WDR93: variants seen among roughly 807,000 people sequenced by gnomAD.
WDR93 encodes WD repeat domain 93.
A neutral mutation model predicts 82.9 loss-of-function variants in WDR93; 73 were observed. That is an observed-to-expected ratio of 0.88 (90% CI 0.73 to 1.07). The LOEUF (loss-of-function observed/expected upper bound fraction) is 1.07. Ranked by LOEUF, WDR93 falls within the 50% of genes least tolerant of loss-of-function variation. The pLI is 0.00. For synonymous variants in WDR93, 283 were observed against 300.1 expected (o/e 0.94, Z 0.59); for missense variants, 738 against 826.0 (o/e 0.89, Z 1.31).
intron 6 of WDR93, 83 bp downstream of exon 6, chr15:89,715,178 T>A: frequency 8.5e-7 from 1 of 1,177,344 alleles, no homozygotes; most frequent in Middle Eastern, 2.0e-4. Flanking sequence ...AAACTTATGG[T>A]GAATGAGGCC....
chr15:89,710,643 T>C (rs1361373662), intron 4 of WDR93, among the ~76,000 whole-genome samples: 1 of 152,212 alleles, frequency 6.6e-6, no homozygotes, highest in Non-Finnish European at 1.5e-5. Flanking sequence ...CAACTCATTT[T>C]ATGAGACCAG....
At chr15:89,721,568 A>G (rs1191099991) in intron 7 of WDR93, among the ~76,000 whole-genome samples, 2 of 152,180 alleles carry the variant, frequency 1.3e-5, no homozygotes, top group Non-Finnish European at 2.9e-5. Context: ...ACACACACGC[A>G]CACACAAAGT....
Position 89,699,246 on chromosome 15 carries a change from G to A in WDR93, c.-40-2461G>A, listed in dbSNP as rs116522178. ...TTTCAATTTTTGTATGTCTAAAAAG[G>A]CTTTATTTCACTTTAATTTTCTGAA... On this transcript the variant is annotated intron_variant, in intron 1 of 16. Coordinates refer to ENST00000268130, the MANE Select transcript of WDR93 (RefSeq NM_020212.2). Among the ~76,000 whole-genome samples, 466 of 152,080 alleles carry A rather than the reference G, an allele frequency of 3.1e-3. 2 individuals are homozygous for A. The highest frequency in any genetic ancestry group is 0.011 in the African/African-American group (449 of 41,496).
intron 2 of WDR93, 49 bp downstream of exon 2, chr15:89,702,098 T>C (rs771892495): frequency 3.3e-6 from 5 of 1,537,462 alleles, no homozygotes; most frequent in Non-Finnish European, 4.4e-6. Context: ...AGTTGAGTGT[T>C]AATAAATGAA....
chr15:89,700,476 A>C (rs1965400836), intron 1 of WDR93, among the ~76,000 whole-genome samples: 1 of 152,154 alleles, frequency 6.6e-6, no homozygotes, highest in Non-Finnish European at 1.5e-5. Flanking sequence ...AGCACCTTAA[A>C]ATTTATCTCA....
intron 16 of WDR93, among the ~76,000 whole-genome samples, chr15:89,739,703 A>C (rs973545364): frequency 3.0e-4 from 45 of 152,182 alleles, no homozygotes; most frequent in Non-Finnish European, 4.6e-4. Context: ...CTACAGAACT[A>C]GGTGGCTCTG....
At chr15:89,734,312 T>C (rs1355123993) in intron 13 of WDR93, among the ~76,000 whole-genome samples, 1 of 152,198 alleles carries the variant, frequency 6.6e-6, no homozygotes, top group African/African-American at 2.4e-5. Context: ...CTCTCAAATG[T>C]GCCTTCAGGC....
Position 89,735,545 on chromosome 15 carries a change from C to T in WDR93, c.1600C>T (p.Pro534Ser), listed in dbSNP as rs961584997. The change falls in exon 14 of 17, where the codon CCT becomes TCT. Residue 534 changes from proline to serine, a missense_variant. Coordinates refer to ENST00000268130, the MANE Select transcript of WDR93 (RefSeq NM_020212.2). ...ICAVAPVPAL[P>S]GMVLIFSKNG... Reference sequence around the variant, plus strand: ...TGCCGTGGCCCCAGTCCCAGCCTTACCTGGCATGGTAGGTTCCCCATGCCT... The same window carrying T: ...TGCCGTGGCCCCAGTCCCAGCCTTATCTGGCATGGTAGGTTCCCCATGCCT... 3 of 1,614,154 alleles carry T rather than the reference C, an allele frequency of 1.9e-6. No homozygotes were observed. Among genetic ancestry groups the T allele is most frequent in the Non-Finnish European group, 2.5e-6 (3 of 1,180,002 alleles).
At chr15:89,709,722 G>A (rs1335020890) in intron 4 of WDR93, among the ~76,000 whole-genome samples, 1 of 152,056 alleles carries the variant, frequency 6.6e-6, no homozygotes, top group African/African-American at 2.4e-5. Flanking sequence ...AAAGTGCTGA[G>A]ATTACAGGTG....
chr15:89,721,929 C>G, intron 7 of WDR93, 126 bp from the exon 8 acceptor site: 1 of 663,382 alleles, frequency 1.5e-6, no homozygotes. Context: ...TTGCTATTTA[C>G]TTTCTATTTG....
At chr15:89,740,759 G>A (rs1266012462) in intron 16 of WDR93, among the ~76,000 whole-genome samples, 3 of 152,018 alleles carry the variant, frequency 2.0e-5, no homozygotes, top group Non-Finnish European at 2.9e-5. Flanking sequence ...GCCTCGGCCT[G>A]CCAAAGTGGT....
intron 7 of WDR93, among the ~76,000 whole-genome samples, chr15:89,720,810 G>A (rs1224057593): frequency 6.6e-6 from 1 of 152,172 alleles, no homozygotes; most frequent in African/African-American, 2.4e-5. Flanking sequence ...GACCAATAAA[G>A]CTGTTATTGG....
chr15:89,705,011 A>G (rs970134015), intron 3 of WDR93: 1 of 155,972 alleles, frequency 6.4e-6, no homozygotes, highest in African/African-American at 2.4e-5. Context: ...GTAAGAATTC[A>G]TCGTGGGTGA....
chr15:89,702,825 C>T (rs949053188), intron 2 of WDR93, 125 bp from the exon 3 acceptor site: 1 of 1,091,868 alleles, frequency 9.2e-7, no homozygotes, highest in African/African-American at 1.6e-5. Context: ...AGGCGTTAGC[C>T]ACTGCGTCCA....
rs756803483 is a variant in WDR93, at chr15:89,702,011, A to G, written c.265A>G (p.Ile89Val). The change falls in exon 2 of 17, where the codon ATC (isoleucine) becomes GTC (valine). Residue 89 changes from isoleucine (I) to valine (V), a missense_variant. Physicochemically the swap from Ile to Val is conservative, Grantham distance 29. Transcript: ENST00000268130. ...ACTGAGGGAAGCTGAGAGCAGCCAG[A>G]TCCAGCCCACCGTCTACCCTCCACT... ...NALREAESSQIQPTVYPPLGE... is the reference protein window; with the variant it reads ...NALREAESSQVQPTVYPPLGE... 6.2e-7 allele frequency: 1 copy of G among 1,612,550 alleles called. No homozygotes were observed. Among genetic ancestry groups the G allele is most frequent in the Non-Finnish European group, 8.5e-7 (1 of 1,179,810 alleles).
chr15:89,718,802 A>G (rs9744547), intron 7 of WDR93, among the ~76,000 whole-genome samples: 64,354 of 151,928 alleles, frequency 0.42, 14,121 homozygotes, highest in African/African-American at 0.49. Context: ...TTTAGTAGAG[A>G]CAGGGTTTCA....
intron 5 of WDR93, among the ~76,000 whole-genome samples, chr15:89,713,124 TAAA>T (rs77944900): frequency 3.1e-5 from 3 of 97,714 alleles, no homozygotes; most frequent in Admixed American, 1.1e-4. Flanking sequence ...AACTCCATCT[TAAA>T]AAAAAAAAAA....
At position 89,733,100 on chromosome 15, in the gene WDR93, G is replaced by A. The variant is rs752479592; in HGVS notation, c.1425G>A (p.Met475Ile). 1.2e-6 allele frequency: 2 copies of A among 1,614,204 alleles called. No homozygotes were observed. The highest frequency in any genetic ancestry group is 1.3e-5 in the African/African-American group (1 of 75,056). The change falls in exon 13 of 17, where the codon ATG becomes ATA. Residue 475 changes from methionine to isoleucine, a missense_variant. Met to Ile is a conservative substitution (Grantham distance 10). Coordinates refer to ENST00000268130, the MANE Select transcript of WDR93 (RefSeq NM_020212.2). ...TCTCGGTCCACAAAGGACAGAATAT[G>A]TATCCTGAAGGTCAAGTGAAATCCC... is the stretch of plus-strand genomic sequence containing the variant. Reference protein sequence around the residue: ...KYFSVHKGQNMYPEGQVKSQM... With the variant: ...KYFSVHKGQNIYPEGQVKSQM...
At chr15:89,702,897 A>G in intron 2 of WDR93, 53 bp from the exon 3 acceptor site, 1 of 1,565,564 alleles carries the variant, frequency 6.4e-7, no homozygotes, top group Non-Finnish European at 8.7e-7. Context: ...GCTAACTCAT[A>G]ATATTTGAAG....
Sources: gnomAD v4.1 joint callset for allele counts (sites outside exome capture counted in the v4.1 genomes callset) on GRCh38, gnomAD v4.1.1 for gene constraint, MANE v1.5 for transcripts, NCBI Gene and HGNC (gene_info 2026-07-23, HGNC 2026-07-21) for gene names.